ZFPL1: variants seen among roughly 807,000 people sequenced by gnomAD.
The protein encoded by ZFPL1 is zinc finger protein like 1.
A neutral mutation model predicts 32.0 loss-of-function variants in ZFPL1; 28 were observed. The observed-to-expected ratio is 0.87, with a 90% CI of 0.65 to 1.20. The LOEUF (loss-of-function observed/expected upper bound fraction) is 1.20, where lower values mean the gene tolerates loss of function less well. ZFPL1 is among the 50% of genes most tolerant of loss of function. The pLI is 0.00. For missense variants in ZFPL1, 386 were observed against 424.8 expected, an observed-to-expected ratio of 0.91 and a Z score of 0.80; for synonymous variants, 165 against 177.0, an observed-to-expected ratio of 0.93 and a Z score of 0.54.
rs996429135 is a variant in ZFPL1 at position 65,086,862 on chromosome 11, C to T, written c.482-66C>T. ...CTCTGCTGACAGCTCCCTTGGTCTG[C>T]AGTCACATGCTCTACCCCTGAGCTC... On this transcript the variant is annotated intron_variant, in intron 5 of 7. Transcript: ENST00000294258. 1.9e-6 allele frequency: 3 copies of T among 1,613,310 alleles called. No individual in the cohort carries two copies. In the African/African-American group the frequency reaches 4.0e-5, roughly 22 times the overall value.
At position 65,086,839 on chromosome 11, in the gene ZFPL1, C is replaced by T. The variant is rs1947684614; in HGVS notation, c.481+47C>T. On this transcript the variant is annotated intron_variant, in intron 5 of 7. Coordinates refer to ENST00000294258, the MANE Select transcript of ZFPL1 (RefSeq NM_006782.4). ...CTGTTTGGGCTTTAGCCTCCCTGCT[C>T]TGCTGACAGCTCCCTTGGTCTGCAG... 2.5e-6 allele frequency: 4 copies of T among 1,614,080 alleles called. No homozygotes were observed. The Middle Eastern group carries it at 4.9e-4, about 200-fold the overall frequency.
rs1283329567 is a variant in ZFPL1 at position 65,086,728 on chromosome 11, G to A, written c.417G>A (p.Glu139=). ...RAGLGLPLID[E]VVSPEPEPLN... ...CAGATTCCTTCCTCCAGATCGATGA[G>A]GTGGTGAGCCCAGAGCCCGAGCCCC... Residue 139 remains glutamate, a synonymous_variant, in exon 5 of 8, where the codon GAG becomes GAA. Transcript: ENST00000294258. 6.2e-7 allele frequency: 1 copy of A among 1,614,114 alleles called. No individual in the cohort carries two copies. The highest frequency in any genetic ancestry group is 1.3e-5 in the African/African-American group (1 of 74,948).
At position 65,086,577 on chromosome 11, in the gene ZFPL1, A is replaced by T; in HGVS notation, c.377A>T (p.Asn126Ile). 6.2e-7 allele frequency: 1 copy of T among 1,614,154 alleles called. No homozygotes were observed. The highest frequency in any genetic ancestry group is 1.1e-5 in the South Asian group (1 of 91,084). Residue 126 changes from asparagine to isoleucine, a missense_variant, in exon 4 of 8, where the codon AAC becomes ATC. Asn to Ile is a moderately radical substitution (Grantham distance 149). Coordinates refer to ENST00000294258, the MANE Select transcript of ZFPL1 (RefSeq NM_006782.4). Reference sequence around the variant, plus strand: ...CTGAGAGAGAAGCTGGCCACAGTCAACTGGGCCCGGGCAGGACTGGGCCTC... The same window carrying T: ...CTGAGAGAGAAGCTGGCCACAGTCATCTGGGCCCGGGCAGGACTGGGCCTC... ...SALREKLATV[N>I]WARAGLGLPL...
Position 65,085,232 on chromosome 11 carries a change from G to A in ZFPL1, c.214+6G>A. On this transcript the variant is annotated splice_donor_region_variant and intron_variant, in intron 3 of 7. Transcript: ENST00000294258. ...GACCCGCCTTGTCTGCTATGGTGAG[G>A]CCTTGGCACCTCGGGGGGATCAGGC... 1 of 1,613,578 alleles carries A rather than the reference G, an allele frequency of 6.2e-7. No homozygotes were observed. The highest frequency in any genetic ancestry group is 8.5e-7 in the Non-Finnish European group (1 of 1,179,624).
chr11:65,085,341 G>A (rs1183802912), intron 3 of ZFPL1, 115 bp downstream of exon 3: 1 of 897,148 alleles, frequency 1.1e-6, no homozygotes, highest in South Asian at 1.4e-5. Context: ...TCAGAGCCCA[G>A]ATTCTAGTCC....
intron 3 of ZFPL1, 144 bp from the exon 4 acceptor site, chr11:65,086,271 T>C: frequency 9.1e-7 from 1 of 1,099,386 alleles, no homozygotes. Flanking sequence ...ACTGACATTT[T>C]AGGGAACAGG....
At chr11:65,086,313 T>C (rs1445254939) in intron 3 of ZFPL1, 102 bp from the exon 4 acceptor site, 6 of 1,374,966 alleles carry the variant, frequency 4.4e-6, no homozygotes, top group Non-Finnish European at 6.1e-6. Context: ...CACACACACA[T>C]GTGTCCATAT....
intron 7 of ZFPL1, 35 bp downstream of exon 7, chr11:65,087,468 G>T: frequency 1.3e-6 from 2 of 1,596,476 alleles, no homozygotes; most frequent in Non-Finnish European, 1.7e-6. Context: ...ATGCCAGGAA[G>T]GGGTGGAGAG....
chr11:65,088,083 T>C lies in ZFPL1; in HGVS notation c.902T>C (p.Met301Thr). The C allele has an allele frequency of 6.2e-7, 1 of 1,611,562 alleles. No individual in the cohort carries two copies. Among genetic ancestry groups the C allele is most frequent in the Non-Finnish European group, 8.5e-7 (1 of 1,179,646 alleles). The part of the protein sequence containing the change: ...ADSDPNLDPL[M>T]NPHIRVGPS ...AGCGATCCCAACCTGGACCCACTCA[T>C]GAACCCTCACATCCGCGTGGGCCCC... Residue 301 changes from methionine to threonine, a missense_variant, in exon 8 of 8, where the codon ATG becomes ACG. Met to Thr is a moderately conservative substitution (Grantham distance 81). Coordinates refer to ENST00000294258, the MANE Select transcript of ZFPL1 (RefSeq NM_006782.4).
rs1947698440 is a variant in ZFPL1 at position 65,088,152 on chromosome 11, G to T, written c.*38G>T. On this transcript the variant is annotated 3_prime_UTR_variant, in exon 8 of 8. Transcript: ENST00000294258. ...GTGGCTAGGCCAGCCTAGGATGTGG[G>T]TTCTGTGGAGGAGAGGCGGGGTAAT... 1.9e-6 allele frequency: 3 copies of T among 1,583,744 alleles called. No homozygotes were observed. Among genetic ancestry groups the T allele is most frequent in the Non-Finnish European group, 2.6e-6 (3 of 1,172,820 alleles).
rs752541957 is a variant in ZFPL1, at chr11:65,084,728, G to A, written c.30G>A (p.Lys10=). The change falls in exon 2 of 8, where the codon AAG becomes AAA. Residue 10 remains lysine (K), a synonymous_variant. Transcript: ENST00000294258. MGLCKCPKR[K]VTNLFCFEHR... Reference sequence around the variant, plus strand: ...GGCTTTGTAAGTGCCCCAAGAGAAAGGTGACCAACCTGTTCTGCTTCGAAC... The same window carrying A: ...GGCTTTGTAAGTGCCCCAAGAGAAAAGTGACCAACCTGTTCTGCTTCGAAC... 8 of 1,614,160 alleles carry A rather than the reference G, an allele frequency of 5.0e-6. No homozygotes were observed. In the Admixed American group the frequency reaches 1.2e-4, roughly 24 times the overall value.
intron 2 of ZFPL1, 92 bp downstream of exon 2, chr11:65,084,892 T>G (rs759745349): frequency 1.5e-5 from 21 of 1,447,680 alleles, no homozygotes; most frequent in African/African-American, 2.8e-5. Context: ...CGCGCTAGAA[T>G]GTAAGCCCCA....
Position 65,087,178 on chromosome 11 carries a change from C to G in ZFPL1, c.628+104C>G, listed in dbSNP as rs370315229. 1.9e-6 allele frequency: 3 copies of G among 1,560,628 alleles called. No individual in the cohort carries two copies. The African/African-American group carries it at 4.1e-5, about 21-fold the overall frequency. On this transcript the variant is annotated intron_variant, in intron 6 of 7. Coordinates refer to ENST00000294258, the MANE Select transcript of ZFPL1 (RefSeq NM_006782.4). Reference sequence around the variant, plus strand: ...AGAGACCCACCCGGAGGAACCTTTCCTTAATCCAGGCACAGCCATTACCTC... The same window carrying G: ...AGAGACCCACCCGGAGGAACCTTTCGTTAATCCAGGCACAGCCATTACCTC...
chr11:65,087,821 A>G lies in ZFPL1; in HGVS notation c.747-107A>G, dbSNP rs962085496. On this transcript the variant is annotated intron_variant, in intron 7 of 7. Transcript: ENST00000294258. ...GCAGGAGTGATCATCCCTGAGGCAC[A>G]GACGAGGAGATGGAGGCTCAGGAAT... is the stretch of plus-strand genomic sequence containing the variant. The G allele has an allele frequency of 2.9e-4, 356 of 1,207,850 alleles. 1 individual carries two copies. The Middle Eastern group carries it at 4.3e-3, about 15-fold the overall frequency. 74.8% of individuals were successfully genotyped at this position (1,207,850 alleles called of 1,614,324 possible). A position where few individuals can be genotyped will look rare whatever the true frequency, so the allele number is the denominator to read the frequency against.
intron 2 of ZFPL1, 103 bp downstream of exon 2, chr11:65,084,903 C>G: frequency 1.5e-6 from 2 of 1,357,374 alleles, no homozygotes; most frequent in Non-Finnish European, 1.0e-6. Flanking sequence ...GTAAGCCCCA[C>G]AAGGGCAAGG....
Position 65,086,912 on chromosome 11 carries a change from C to T in ZFPL1, c.482-16C>T. 6.2e-7 allele frequency: 1 copy of T among 1,613,340 alleles called. No individual in the cohort carries two copies. The highest frequency in any genetic ancestry group is 8.5e-7 in the Non-Finnish European group (1 of 1,179,504). ...CTATGCACTGCTTCTGCTGACGGCT[C>T]TCTTTCCACCCACAGCCAGCAGTAC... On this transcript the variant is annotated splice_polypyrimidine_tract_variant and intron_variant, in intron 5 of 7. Transcript: ENST00000294258.
At chr11:65,084,654 G>C (rs745562743) in intron 1 of ZFPL1, 37 bp from the exon 2 acceptor site, 2 of 1,594,890 alleles carry the variant, frequency 1.3e-6, no homozygotes, top group Non-Finnish European at 8.6e-7. Flanking sequence ...GTGGCCACCA[G>C]AACCTGACTT....
At chr11:65,084,963 C>A in intron 2 of ZFPL1, 152 bp from the exon 3 acceptor site, 1 of 1,012,664 alleles carries the variant, frequency 9.9e-7, no homozygotes, top group Non-Finnish European at 1.5e-6. Context: ...AAGAGAGAGT[C>A]TGGTGCACAG....
In ZFPL1 at chr11:65,085,367, C is replaced by G. The variant is rs768869049; in HGVS notation, c.214+141C>G. Reference sequence around the variant, plus strand: ...ATTCTAGTCCTGTTAAAGTTCCTTACCTGCTGTGTAAGTTCAGGCAAGTTA... The same window carrying G: ...ATTCTAGTCCTGTTAAAGTTCCTTAGCTGCTGTGTAAGTTCAGGCAAGTTA... On this transcript the variant is annotated intron_variant, in intron 3 of 7. Transcript: ENST00000294258. 35 of 738,032 alleles carry G rather than the reference C, an allele frequency of 4.7e-5. No homozygotes were observed. In the East Asian group the frequency reaches 9.4e-4, roughly 20 times the overall value. 45.7% of individuals were successfully genotyped at this position (738,032 alleles called of 1,614,324 possible). A position where few individuals can be genotyped will look rare whatever the true frequency, so the allele number is the denominator to read the frequency against.
Sources: allele counts gnomAD v4.1 joint callset, GRCh38; gene constraint gnomAD v4.1.1; transcripts MANE v1.5; gene names NCBI Gene and HGNC (gene_info 2026-07-23, HGNC 2026-07-21).